The following SCD5 variants were observed in gnomAD, a reference collection of about 807,000 sequenced individuals.
SCD5 encodes the protein acyl-CoA-desaturase 4.
In SCD5, 20 loss-of-function variants were observed where a neutral mutation model predicts 30.4. The ratio of observed to expected loss-of-function variants is 0.66; its 90% CI spans 0.46 to 0.96. The LOEUF is 0.96. SCD5 is among the 40% of genes least tolerant of loss of function. SCD5 has a pLI of 0.00. For missense variants in SCD5, 381 were observed against 443.3 expected (o/e 0.86, Z 1.26); for synonymous variants, 173 against 176.4 (o/e 0.98, Z 0.16).
chr4:82,664,999 C>CTCTATATATATATATA (rs1219554314), intron 3 of SCD5, among the ~76,000 whole-genome samples: 22 of 70,490 alleles, frequency 3.1e-4, no homozygotes, highest in African/African-American at 1.2e-3. Context: ...CTCTCTCTCT[C>CTCTATATATATATATA]TATATATATA....
chr4:82,706,165 T>A (rs1719964368), intron 1 of SCD5, among the ~76,000 whole-genome samples: 1 of 152,044 alleles, frequency 6.6e-6, no homozygotes, highest in South Asian at 2.1e-4. Context: ...GTCATTTTCC[T>A]TGTCATCCCT....
At chr4:82,793,187 GT>G (rs1722136256) in intron 1 of SCD5, among the ~76,000 whole-genome samples, 1 of 152,202 alleles carries the variant, frequency 6.6e-6, no homozygotes, top group Non-Finnish European at 1.5e-5. Context: ...GAGCATTAAA[GT>G]TTTTTAAATG....
intron 3 of SCD5, among the ~76,000 whole-genome samples, chr4:82,651,003 A>T (rs1170380885): frequency 6.6e-6 from 1 of 152,186 alleles, no homozygotes; most frequent in Non-Finnish European, 1.5e-5. Context: ...GAAGAATGAC[A>T]CTGTGTGGTA....
intron 1 of SCD5, among the ~76,000 whole-genome samples, chr4:82,791,728 G>A (rs181368437): frequency 6.6e-6 from 1 of 152,080 alleles, no homozygotes; most frequent in East Asian, 1.9e-4. Flanking sequence ...GGTAGACTGT[G>A]TTCCAGAGAC....
chr4:82,729,072 T>C (rs1720570320), intron 1 of SCD5, among the ~76,000 whole-genome samples: 1 of 152,194 alleles, frequency 6.6e-6, no homozygotes, highest in Non-Finnish European at 1.5e-5. Flanking sequence ...AGAAGTTCTG[T>C]GTGTGGCCAA....
intron 4 of SCD5, among the ~76,000 whole-genome samples, chr4:82,633,521 T>C (rs961743522): frequency 3.9e-5 from 6 of 152,210 alleles, no homozygotes; most frequent in South Asian, 2.1e-4. Context: ...CGAGATCATA[T>C]GGTAGCTCTA....
chr4:82,761,541 C>T (rs1304701365), intron 1 of SCD5, among the ~76,000 whole-genome samples: 1 of 152,102 alleles, frequency 6.6e-6, no homozygotes, highest in East Asian at 1.9e-4. Context: ...GCCCTGAAGC[C>T]TCCATTCCCA....
At chr4:82,721,042 T>C (rs995342917) in intron 1 of SCD5, among the ~76,000 whole-genome samples, 3 of 152,024 alleles carry the variant, frequency 2.0e-5, no homozygotes, top group Admixed American at 6.6e-5. Context: ...TGCCTGTAGT[T>C]CCAGCTACTC....
intron 3 of SCD5, among the ~76,000 whole-genome samples, chr4:82,657,323 CCAGTTTT>C (rs1485511484): frequency 6.6e-6 from 1 of 152,110 alleles, no homozygotes; most frequent in Non-Finnish European, 1.5e-5. Flanking sequence ...ATTTGGTTAG[CCAGTTTT>C]CAGAACATCA....
At chr4:82,778,182 A>G (rs115175602) in intron 1 of SCD5, among the ~76,000 whole-genome samples, 2,769 of 152,100 alleles carry the variant, frequency 0.018, 80 homozygotes, top group African/African-American at 0.064. Context: ...ACACATGAAC[A>G]CAGGGAAGGG....
chr4:82,729,514 T>C (rs983638853), intron 1 of SCD5, among the ~76,000 whole-genome samples: 4 of 152,158 alleles, frequency 2.6e-5, no homozygotes, highest in Admixed American at 6.5e-5. Context: ...CTGCATCCCA[T>C]AGGTCTAACC....
chr4:82,649,527 C>T (rs193224457), intron 3 of SCD5, among the ~76,000 whole-genome samples: 2 of 152,294 alleles, frequency 1.3e-5, no homozygotes, highest in East Asian at 3.9e-4. Flanking sequence ...TTGCTCCATC[C>T]TGTGTGCCAC....
At position 82,636,650 on chromosome 4, in the gene SCD5, C is replaced by T. The variant is rs1352862495; in HGVS notation, c.743G>A (p.Arg248Gln). 6 of 1,614,050 alleles carry T rather than the reference C, an allele frequency of 3.7e-6. No homozygotes were observed. Among genetic ancestry groups the T allele is most frequent in the Admixed American group, 3.3e-5 (2 of 59,996 alleles). The change falls in exon 4 of 5, where the codon CGG becomes CAG. Residue 248 changes from arginine (R) to glutamine (Q), a missense_variant. By Grantham distance (43) the Arg-to-Gln change is conservative. Coordinates refer to ENST00000319540, the MANE Select transcript of SCD5 (RefSeq NM_001037582.3). ...VNSAAHMYGN[R>Q]PYDKHISPRQ... is the part of the protein sequence containing the mutation. ...AGGGCTGATGTGCTTGTCATAGGGC[C>T]GGTTTCCATACATGTGGGCGGCGCT...
At chr4:82,710,289 T>G (rs1470713892) in intron 1 of SCD5, among the ~76,000 whole-genome samples, 1 of 152,082 alleles carries the variant, frequency 6.6e-6, no homozygotes, top group Non-Finnish European at 1.5e-5. Context: ...AACAGAGAGA[T>G]AAGATCCAGA....
At chr4:82,777,370 T>G (rs1181151052) in intron 1 of SCD5, among the ~76,000 whole-genome samples, 2 of 152,206 alleles carry the variant, frequency 1.3e-5, no homozygotes, top group Non-Finnish European at 2.9e-5. Context: ...AGATATCCAG[T>G]GCAATCAAGA....
At chr4:82,689,082 A>G (rs542620969) in intron 2 of SCD5, among the ~76,000 whole-genome samples, 1 of 152,312 alleles carries the variant, frequency 6.6e-6, no homozygotes, top group South Asian at 2.1e-4. Context: ...AACAATGATA[A>G]CCCAATAGCA....
At chr4:82,660,721 G>T in intron 3 of SCD5, 1 of 1,454,284 alleles carries the variant, frequency 6.9e-7, no homozygotes. Flanking sequence ...GCCTCCTTGT[G>T]TCAACTGATT....
intron 1 of SCD5, among the ~76,000 whole-genome samples, chr4:82,756,948 C>T (rs1721247272): frequency 6.6e-6 from 1 of 152,166 alleles, no homozygotes; most frequent in Admixed American, 6.5e-5. Flanking sequence ...TCACCACAGC[C>T]TCTGCCTCCT....
chr4:82,753,169 G>A (rs946173519), intron 1 of SCD5, among the ~76,000 whole-genome samples: 2 of 152,150 alleles, frequency 1.3e-5, no homozygotes, highest in East Asian at 1.9e-4. Flanking sequence ...TCCAGTTTGA[G>A]AGACATGTGT....
Sources: gnomAD v4.1 joint callset for allele counts (sites outside exome capture counted in the v4.1 genomes callset) on GRCh38, gnomAD v4.1.1 for gene constraint, MANE v1.5 for transcripts, NCBI Gene and HGNC (gene_info 2026-07-23, HGNC 2026-07-21) for gene names.